The following IFT74 variants were observed in gnomAD, a reference collection of about 807,000 sequenced individuals.
IFT74 encodes intraflagellar transport 74, also known as intraflagellar transport protein 74 homolog.
IFT74 carries 92 observed loss-of-function variants against 96.7 expected under a neutral mutation model. The ratio of observed to expected loss-of-function variants is 0.95; its 90% CI spans 0.80 to 1.13. The LOEUF is 1.13. IFT74 is among the 50% of genes most tolerant of loss of function. The probability of loss-of-function intolerance (pLI) is 0.00; values close to 1 mark genes in which losing one functional copy is unlikely to be tolerated. For missense variants in IFT74, 811 were observed against 698.2 expected (o/e 1.16, Z -1.82); for synonymous variants, 223 against 213.2 (o/e 1.05, Z -0.40).
chr9:26,999,863 C>T (rs1828383994), intron 8 of IFT74, among the ~76,000 whole-genome samples: 1 of 149,812 alleles, frequency 6.7e-6, no homozygotes, highest in African/African-American at 2.5e-5. Flanking sequence ...CCTTGATCTC[C>T]CAGGCTTAAG....
chr9:27,045,573 T>TA (rs1242765188), intron 14 of IFT74, among the ~76,000 whole-genome samples: 4 of 152,062 alleles, frequency 2.6e-5, no homozygotes, highest in South Asian at 2.1e-4. Context: ...TTGATTCACT[T>TA]AAAAAAAATC....
chr9:27,006,835 T>G (rs990369378), intron 8 of IFT74, among the ~76,000 whole-genome samples: 6 of 129,564 alleles, frequency 4.6e-5, no homozygotes, highest in South Asian at 2.7e-4. Flanking sequence ...TTGTGTGTTT[T>G]TTTTTTTTTT....
intron 1 of IFT74, among the ~76,000 whole-genome samples, chr9:26,959,781 G>A (rs1427064629): frequency 6.6e-6 from 1 of 152,138 alleles, no homozygotes; most frequent in Non-Finnish European, 1.5e-5. Flanking sequence ...TAGAAAAGTA[G>A]TTAAGGGTGA....
At position 26,978,139 on chromosome 9, in the gene IFT74, G is replaced by T; in HGVS notation, c.132G>T (p.Gly44=). Reference sequence around the variant, plus strand: ...TGTTTGTCATTTAGATGCCACCTGGGACAGCAAGACCAGGTTCTCGTGGTT... The same window carrying T: ...TGTTTGTCATTTAGATGCCACCTGGTACAGCAAGACCAGGTTCTCGTGGTT... ...NIRVATAMPP[G]TARPGSRGCP... is the part of the protein sequence containing the mutation. Residue 44 remains glycine, a synonymous_variant, in exon 3 of 20, where the codon GGG becomes GGT. Transcript: ENST00000380062. The T allele has an allele frequency of 6.3e-7, 1 of 1,595,720 alleles. No individual in the cohort carries two copies. Among genetic ancestry groups the T allele is most frequent in the Non-Finnish European group, 8.5e-7 (1 of 1,175,944 alleles).
chr9:27,002,514 G>C (rs12349359), intron 8 of IFT74, among the ~76,000 whole-genome samples: 11,381 of 152,234 alleles, frequency 0.075, 546 homozygotes, highest in African/African-American at 0.13. Context: ...ATATAGTTAT[G>C]CAGTTTTTCT....
At chr9:26,962,922 A>C (rs1826427984) in intron 2 of IFT74, among the ~76,000 whole-genome samples, 1 of 132,772 alleles carries the variant, frequency 7.5e-6, no homozygotes, top group Non-Finnish European at 1.6e-5. Flanking sequence ...GGTAAACTTT[A>C]CTAATTTTTT....
At chr9:27,061,144 GGTGTGTGT>G (rs34615635) in intron 19 of IFT74, among the ~76,000 whole-genome samples, 1 of 149,770 alleles carries the variant, frequency 6.7e-6, no homozygotes, top group African/African-American at 2.5e-5. Context: ...GTAGTTAAGA[GGTGTGTGT>G]GTGTGTGTGT....
intron 7 of IFT74, 113 bp downstream of exon 7, chr9:26,988,841 AC>A: frequency 1.0e-6 from 1 of 956,194 alleles, no homozygotes; most frequent in South Asian, 2.4e-5. Context: ...GGTGAATATT[AC>A]TCTGATTGTA....
rs555480189 is a variant in IFT74, at chr9:27,030,866, A to C, written c.1054+1762A>C. ...GTAATAGAAAAAGTATTGTTCTTCC[A>C]AGTAAAGCAGAACACACCAAGTGGA... On this transcript the variant is annotated intron_variant, in intron 13 of 19. Transcript: ENST00000380062. Among the ~76,000 whole-genome samples, 3 of 152,352 alleles carry C rather than the reference A, an allele frequency of 2.0e-5. No individual in the cohort carries two copies. The East Asian group carries it at 5.8e-4, about 29-fold the overall frequency.
At chr9:27,037,844 A>T (rs1217498047) in intron 13 of IFT74, among the ~76,000 whole-genome samples, 1 of 152,256 alleles carries the variant, frequency 6.6e-6, no homozygotes, top group African/African-American at 2.4e-5. Context: ...AAATGAAGAA[A>T]TACCTGGAAG....
At chr9:26,967,478 A>G (rs1932645) in intron 2 of IFT74, among the ~76,000 whole-genome samples, 149,224 of 152,268 alleles carry the variant, frequency 0.98, 73,179 homozygotes, top group East Asian at 1. Context: ...TTATCAGTTC[A>G]GATAGTTTTT....
chr9:26,985,852 A>G lies in IFT74; in HGVS notation c.465+1293A>G, dbSNP rs192565570. ...AAATTTTGAAATTTAATTATTAAACATACAGATTTCCACCATCTTGATGTT... is the reference window on the plus strand; with the variant it reads ...AAATTTTGAAATTTAATTATTAAACGTACAGATTTCCACCATCTTGATGTT... On this transcript the variant is annotated intron_variant, in intron 6 of 19. Transcript: ENST00000380062. Among the ~76,000 whole-genome samples the G allele has an allele frequency of 4.3e-4, 65 of 152,358 alleles. No individual in the cohort carries two copies. In the East Asian group the frequency reaches 7.7e-3, roughly 18 times the overall value.
chr9:26,978,619 C>G (rs1827227584), intron 3 of IFT74, among the ~76,000 whole-genome samples: 1 of 151,978 alleles, frequency 6.6e-6, no homozygotes, highest in Non-Finnish European at 1.5e-5. Flanking sequence ...TTGAAATAGT[C>G]TTGGAGAAAA....
At chr9:27,012,962 C>T (rs1052681691) in intron 10 of IFT74, among the ~76,000 whole-genome samples, 2 of 152,018 alleles carry the variant, frequency 1.3e-5, no homozygotes, top group Non-Finnish European at 2.9e-5. Flanking sequence ...TGTGATCCGC[C>T]CACCTCGGCC....
rs184426220 is a variant in IFT74 at position 27,017,840 on chromosome 9, A to T, written c.933+790A>T. On this transcript the variant is annotated intron_variant, in intron 11 of 19. Transcript: ENST00000380062. ...GGTGGATTTAGTTTAGCTCCAAATTATAATTAGCATGTTGTTTATCCTGAC... is the reference window on the plus strand; with the variant it reads ...GGTGGATTTAGTTTAGCTCCAAATTTTAATTAGCATGTTGTTTATCCTGAC... 1.5e-3 allele frequency among the ~76,000 whole-genome samples: 226 copies of T among 152,326 alleles called. 1 individual carries two copies. The highest frequency in any genetic ancestry group is 2.5e-4 in the Non-Finnish European group (17 of 68,028).
At position 26,986,389 on chromosome 9, in the gene IFT74, C is replaced by T. The variant is rs551325108; in HGVS notation, c.465+1830C>T. 8.6e-5 allele frequency among the ~76,000 whole-genome samples: 13 copies of T among 150,870 alleles called. No individual in the cohort carries two copies. In the South Asian group the frequency reaches 1.3e-3, roughly 15 times the overall value. On this transcript the variant is annotated intron_variant, in intron 6 of 19. Coordinates refer to ENST00000380062, the MANE Select transcript of IFT74 (RefSeq NM_025103.4). ...GGAATGCAGTGGCTCAATCATGGCTCGCTGCAGCCTAGACTTTCTGAGCTC... is the reference window on the plus strand; with the variant it reads ...GGAATGCAGTGGCTCAATCATGGCTTGCTGCAGCCTAGACTTTCTGAGCTC...
rs1401116791 is a variant in IFT74, at chr9:27,064,309, G to A, written c.*1573G>A. On this transcript the variant is annotated 3_prime_UTR_variant, in exon 20 of 20. Transcript: ENST00000380062. ...TTTTAGCCACCCTCAGCTGTTTTATGCTGTGATTGTATGGGGTTTTCTATT... is the reference window on the plus strand; with the variant it reads ...TTTTAGCCACCCTCAGCTGTTTTATACTGTGATTGTATGGGGTTTTCTATT... 6.6e-6 allele frequency among the ~76,000 whole-genome samples: 1 copy of A among 152,024 alleles called. No individual in the cohort carries two copies. The highest frequency in any genetic ancestry group is 1.5e-5 in the Non-Finnish European group (1 of 67,966).
At chr9:27,000,078 C>G (rs903469689) in intron 8 of IFT74, among the ~76,000 whole-genome samples, 3 of 152,146 alleles carry the variant, frequency 2.0e-5, no homozygotes, top group African/African-American at 4.8e-5. Flanking sequence ...CTTACCCTGG[C>G]CTTTCAAATC....
intron 17 of IFT74, among the ~76,000 whole-genome samples, 177 bp downstream of exon 17, chr9:27,055,949 T>C (rs1265209058): frequency 6.6e-6 from 1 of 152,096 alleles, no homozygotes; most frequent in East Asian, 1.9e-4. Flanking sequence ...CTTAAAGTTT[T>C]AAAGAAAAGC....
Sources: gnomAD v4.1 joint callset for allele counts (sites outside exome capture counted in the v4.1 genomes callset) on GRCh38, gnomAD v4.1.1 for gene constraint, MANE v1.5 for transcripts, NCBI Gene and HGNC (gene_info 2026-07-23, HGNC 2026-07-21) for gene names.